The following ISM1 variants were observed in gnomAD, a reference collection of about 807,000 sequenced individuals.
ISM1 encodes isthmin-1.
Under a neutral mutation model 46.3 loss-of-function variants are expected in ISM1, and 25 were observed. The observed-to-expected ratio is 0.54, with a 90% CI of 0.39 to 0.75. The LOEUF is 0.75. Ranked by LOEUF, ISM1 falls within the 30% of genes least tolerant of loss-of-function variation. ISM1 has a pLI of 0.00. For missense variants in ISM1, 536 were observed against 625.4 expected (o/e 0.86, Z 1.52); for synonymous variants, 255 against 256.7 (o/e 0.99, Z 0.06).
chr20:13,318,521 A>G, the ISM1 span, among the ~76,000 whole-genome samples: 15 of 152,220 alleles, frequency 9.9e-5, no homozygotes, highest in African/African-American at 3.6e-4. Flanking sequence ...CACAAAAACA[A>G]AAAAACCTGC....
chr20:13,242,808 GT>G (rs2123169209), intron 1 of ISM1, among the ~76,000 whole-genome samples: 1 of 152,262 alleles, frequency 6.6e-6, no homozygotes, highest in African/African-American at 2.4e-5. Context: ...GTTCCTTACT[GT>G]TCATGTGTGA....
In ISM1 at chr20:13,221,434, GGT is replaced by G. The variant is rs1203569943; in HGVS notation, c.-342_-341del. ...GCAGGGTGGCCTCCGGCCCGGCCCG[GGT>G]CCCGGGCTGTCCCGGGACCCAGTCT... On this transcript the variant is annotated 5_prime_UTR_variant, in exon 1 of 6. It removes the in-frame stop codon of an upstream open reading frame in the 5' UTR. Coordinates refer to ENST00000262487, the MANE Select transcript of ISM1 (RefSeq NM_080826.2). 2.1e-5 allele frequency among the ~76,000 whole-genome samples: 3 copies of G among 145,576 alleles called. No homozygotes were observed. Among genetic ancestry groups the G allele is most frequent in the Middle Eastern group, 3.6e-3 (1 of 274 alleles).
intron 1 of ISM1, among the ~76,000 whole-genome samples, chr20:13,230,471 G>T (rs1162493559): frequency 6.6e-6 from 1 of 152,056 alleles, no homozygotes; most frequent in East Asian, 1.9e-4. Context: ...AGTGCTTTCT[G>T]TGGTTCTATT....
intron 3 of ISM1, among the ~76,000 whole-genome samples, chr20:13,287,194 G>A (rs1016482006): frequency 4.6e-5 from 7 of 152,196 alleles, no homozygotes; most frequent in Non-Finnish European, 1.0e-4. Flanking sequence ...AGATTTAATG[G>A]ACTCACAGTT....
chr20:13,288,515 G>T, intron 3 of ISM1, 25 bp from the exon 4 acceptor site: 2 of 1,609,830 alleles, frequency 1.2e-6, no homozygotes, highest in South Asian at 1.1e-5. Flanking sequence ...CAAAGTTGAT[G>T]ACCATCTCCC....
At chr20:13,247,468 C>T (rs1244403855) in intron 1 of ISM1, among the ~76,000 whole-genome samples, 1 of 151,702 alleles carries the variant, frequency 6.6e-6, no homozygotes, top group Non-Finnish European at 1.5e-5. Flanking sequence ...AGGACACCTT[C>T]GCCGGATGCT....
At chr20:13,295,539 C>T (rs900803381) in intron 5 of ISM1, among the ~76,000 whole-genome samples, 5 of 152,166 alleles carry the variant, frequency 3.3e-5, no homozygotes, top group African/African-American at 1.2e-4. Context: ...CTTCCCCCAT[C>T]GATGCTATTG....
chr20:13,221,922 C>A lies in ISM1; in HGVS notation c.138+8C>A, dbSNP rs1288187118. The stretch of plus-strand genomic sequence containing the variant: ...AGCCAAGCCCAGCTGCAGGTGAGTG[C>A]GCCGCCGGAGAGGGCCGTGCGCGGC... On this transcript the variant is annotated splice_region_variant and intron_variant, in intron 1 of 5. Coordinates refer to ENST00000262487, the MANE Select transcript of ISM1 (RefSeq NM_080826.2). 7.5e-7 allele frequency: 1 copy of A among 1,335,290 alleles called. No individual in the cohort carries two copies. Among genetic ancestry groups the A allele is most frequent in the East Asian group, 3.1e-5 (1 of 32,208 alleles). 82.7% of individuals were successfully genotyped at this position (1,335,290 alleles called of 1,614,324 possible). A position where few individuals can be genotyped will look rare whatever the true frequency, so the allele number is the denominator to read the frequency against.
At chr20:13,254,284 ATATATT>A (rs980002955) in intron 1 of ISM1, among the ~76,000 whole-genome samples, 4 of 151,892 alleles carry the variant, frequency 2.6e-5, no homozygotes, top group South Asian at 2.1e-4. Flanking sequence ...ATCTGCAAAT[ATATATT>A]TATATTTATA....
At chr20:13,311,247 A>AGAT in the ISM1 span, among the ~76,000 whole-genome samples, 210 of 116,272 alleles carry the variant, frequency 1.8e-3, no homozygotes, top group South Asian at 2.2e-3. Context: ...GATAGATGAT[A>AGAT]GATAGATAGA....
At position 13,221,724 on chromosome 20, in the gene ISM1, C is replaced by A; in HGVS notation, c.-53C>A. ...CCTACTCCTCCTCCCCCGGCGTCACCGCCGCCGCCGCCGGCCGCCGCGCCG... is the reference window on the plus strand; with the variant it reads ...CCTACTCCTCCTCCCCCGGCGTCACAGCCGCCGCCGCCGGCCGCCGCGCCG... On this transcript the variant is annotated 5_prime_UTR_variant, in exon 1 of 6. Transcript: ENST00000262487. The A allele has an allele frequency of 2.4e-6, 3 of 1,274,696 alleles. No individual in the cohort carries two copies. Among genetic ancestry groups the A allele is most frequent in the Non-Finnish European group, 3.0e-6 (3 of 1,001,368 alleles). The allele number at this position is 1,274,696 out of a possible 1,614,324, so 79.0% of individuals were successfully genotyped here.
rs55680207 is a variant in ISM1, at chr20:13,247,517, G to GGTGTGTGTGTGTGTCTGTGT, written c.139-22973_139-22972insCTGTGTGTGTGTGTGTGTGT. 2.2e-3 allele frequency among the ~76,000 whole-genome samples: 304 copies of GGTGTGTGTGTGTGTCTGTGT among 139,908 alleles called. 2 individuals are homozygous for GGTGTGTGTGTGTGTCTGTGT. Among genetic ancestry groups the GGTGTGTGTGTGTGTCTGTGT allele is most frequent in the African/African-American group, 6.8e-3 (254 of 37,228 alleles). 91.8% of individuals were successfully genotyped at this position (139,908 alleles called of 152,430 possible). A position where few individuals can be genotyped will look rare whatever the true frequency, so the allele number is the denominator to read the frequency against. The stretch of plus-strand genomic sequence containing the variant: ...CAGCATTTCTGGCAGCAAAGTGAGG[G>GGTGTGTGTGTGTGTCTGTGT]GTGTGTGTGTGTGTGTGTGTGTGTG... On this transcript the variant is annotated intron_variant, in intron 1 of 5. Coordinates refer to ENST00000262487, the MANE Select transcript of ISM1 (RefSeq NM_080826.2).
At chr20:13,254,228 A>G (rs10470061) in intron 1 of ISM1, among the ~76,000 whole-genome samples, 42,168 of 151,584 alleles carry the variant, frequency 0.28, 6,210 homozygotes, top group African/African-American at 0.39. Context: ...GCAAAACTCC[A>G]TCTCAAAAAT....
the ISM1 span, among the ~76,000 whole-genome samples, chr20:13,311,524 G>A: frequency 6.6e-6 from 1 of 152,146 alleles, no homozygotes. Context: ...GCTGAGATAT[G>A]AAATCAACAT....
the ISM1 span, among the ~76,000 whole-genome samples, chr20:13,319,168 A>T: frequency 6.6e-5 from 10 of 152,132 alleles, no homozygotes; most frequent in African/African-American, 2.2e-4. Flanking sequence ...TTCGTTATGA[A>T]ACTAAAAATG....
chr20:13,257,692 T>C (rs1010670024), intron 1 of ISM1, among the ~76,000 whole-genome samples: 4 of 151,562 alleles, frequency 2.6e-5, no homozygotes, highest in East Asian at 3.9e-4. Flanking sequence ...TGGACTGTTA[T>C]CTAGATGTGT....
rs1202411532 is a variant in ISM1 at position 13,300,448 on chromosome 20, T to G, written c.*989T>G. 1 of 152,186 alleles carries G rather than the reference T, an allele frequency of 6.6e-6. No homozygotes were observed. Among genetic ancestry groups the G allele is most frequent in the Non-Finnish European group, 1.5e-5 (1 of 68,030 alleles). The allele number at this position is 152,186 out of a possible 1,614,324, so 9.4% of individuals were successfully genotyped here. ...GGGTCAATCTGGGGAATCTTAGTTT[T>G]TTATGTTTTAAGAAAACAAAAAAAA... On this transcript the variant is annotated 3_prime_UTR_variant, in exon 6 of 6. Transcript: ENST00000262487.
intron 2 of ISM1, 64 bp downstream of exon 2, chr20:13,270,807 T>C: frequency 6.6e-7 from 1 of 1,516,824 alleles, no homozygotes; most frequent in Non-Finnish European, 9.0e-7. Flanking sequence ...TTCTGATGAT[T>C]CCAGTGGAAA....
intron 1 of ISM1, among the ~76,000 whole-genome samples, chr20:13,233,488 G>A (rs552918883): frequency 2.6e-5 from 4 of 151,634 alleles, no homozygotes; most frequent in Non-Finnish European, 2.9e-5. Flanking sequence ...CCAGCTACTC[G>A]GGAGGCTGAG....
Sources: allele counts gnomAD v4.1 joint callset (sites outside exome capture counted in the v4.1 genomes callset), GRCh38; gene constraint gnomAD v4.1.1; transcripts MANE v1.5; gene names NCBI Gene and HGNC (gene_info 2026-07-23, HGNC 2026-07-21).